Variants in TCF7L1 observed in about 807,000 individuals in gnomAD.
TCF7L1 encodes the protein transcription factor 7-like 1.
Under a neutral mutation model 63.7 loss-of-function variants are expected in TCF7L1, and 18 were observed. The ratio of observed to expected loss-of-function variants is 0.28; its 90% CI spans 0.20 to 0.42. The LOEUF is 0.42. TCF7L1 is among the 10% of genes least tolerant of loss of function. The pLI is 1.00. For synonymous variants in TCF7L1, 355 were observed against 340.9 expected (o/e 1.04, Z -0.46); for missense variants, 654 against 779.3 (o/e 0.84, Z 1.91).
Position 85,309,020 on chromosome 2 carries a change from T to C in TCF7L1, c.1334-9T>C. 6.3e-7 allele frequency: 1 copy of C among 1,576,338 alleles called. No homozygotes were observed. ...TAGCTGCTCACTCTTTCTTGTATTT[T>C]CCCCCTAGGTGCCCTGGCCTCCAAG... On this transcript the variant is annotated splice_polypyrimidine_tract_variant and intron_variant, in intron 11 of 11. Transcript: ENST00000282111.
chr2:85,238,497 C>T (rs763029535), intron 3 of TCF7L1, among the ~76,000 whole-genome samples: 2 of 152,170 alleles, frequency 1.3e-5, no homozygotes, highest in Non-Finnish European at 2.9e-5. Context: ...CCCGCACAGC[C>T]GGGGCCGTGA....
intron 4 of TCF7L1, among the ~76,000 whole-genome samples, chr2:85,295,445 C>T (rs552421182): frequency 6.6e-6 from 1 of 152,308 alleles, no homozygotes; most frequent in South Asian, 2.1e-4. Flanking sequence ...AGGTGATCTG[C>T]CCGCCTCGGC....
chr2:85,165,312 G>T (rs887633378), intron 3 of TCF7L1, among the ~76,000 whole-genome samples: 1 of 152,130 alleles, frequency 6.6e-6, no homozygotes, highest in African/African-American at 2.4e-5. Context: ...ACTACGGCTT[G>T]CCTTCTTTTC....
chr2:85,266,872 A>G (rs1300072021), intron 3 of TCF7L1, among the ~76,000 whole-genome samples: 1 of 152,220 alleles, frequency 6.6e-6, no homozygotes, highest in African/African-American at 2.4e-5. Context: ...GCTGTTCTGT[A>G]GCTGGCGGCC....
At chr2:85,202,983 G>A (rs910461917) in intron 3 of TCF7L1, among the ~76,000 whole-genome samples, 1 of 152,004 alleles carries the variant, frequency 6.6e-6, no homozygotes, top group African/African-American at 2.4e-5. Flanking sequence ...ACAGGCACCC[G>A]CCACCACGCC....
At chr2:85,180,424 T>C (rs1339096911) in intron 3 of TCF7L1, among the ~76,000 whole-genome samples, 1 of 151,988 alleles carries the variant, frequency 6.6e-6, no homozygotes, top group East Asian at 1.9e-4. Flanking sequence ...AGGGTGTGTC[T>C]ACCTGCCTGA....
intron 3 of TCF7L1, among the ~76,000 whole-genome samples, chr2:85,170,758 G>A (rs1447914715): frequency 5.9e-5 from 9 of 152,174 alleles, no homozygotes; most frequent in Admixed American, 3.9e-4. Flanking sequence ...ATTTTTTCCC[G>A]TCTGCCCAGG....
chr2:85,262,641 C>T (rs1680884713), intron 3 of TCF7L1, among the ~76,000 whole-genome samples: 1 of 152,180 alleles, frequency 6.6e-6, no homozygotes, highest in Admixed American at 6.6e-5. Context: ...GAAAAGAGAT[C>T]AAACCAGCAG....
At chr2:85,298,648 G>T (rs577598231) in intron 4 of TCF7L1, among the ~76,000 whole-genome samples, 1 of 152,164 alleles carries the variant, frequency 6.6e-6, no homozygotes, top group African/African-American at 2.4e-5. Flanking sequence ...AAGGATTTAG[G>T]TCTGAGGTGG....
chr2:85,165,294 C>T (rs1049343545), intron 3 of TCF7L1, among the ~76,000 whole-genome samples: 35 of 152,226 alleles, frequency 2.3e-4, no homozygotes, highest in African/African-American at 8.4e-4. Context: ...ACATGTGCGC[C>T]TGTGTAGACT....
chr2:85,146,308 C>A (rs907908085), intron 3 of TCF7L1, among the ~76,000 whole-genome samples: 1 of 152,112 alleles, frequency 6.6e-6, no homozygotes, highest in Non-Finnish European at 1.5e-5. Flanking sequence ...AGCATTCCAG[C>A]TGTGGGGGAT....
intron 3 of TCF7L1, among the ~76,000 whole-genome samples, chr2:85,139,377 A>T (rs1449086008): frequency 6.6e-6 from 1 of 152,240 alleles, no homozygotes; most frequent in Non-Finnish European, 1.5e-5. Context: ...GATACCTATC[A>T]TGGGCAATGG....
intron 3 of TCF7L1, among the ~76,000 whole-genome samples, chr2:85,150,132 T>C (rs1677972157): frequency 6.6e-6 from 1 of 152,108 alleles, no homozygotes; most frequent in African/African-American, 2.4e-5. Flanking sequence ...ATTTATTCAT[T>C]TTTTTTGGCT....
At position 85,259,707 on chromosome 2, in the gene TCF7L1, C is replaced by T. The variant is rs544082652; in HGVS notation, c.442-23788C>T. 8.5e-5 allele frequency among the ~76,000 whole-genome samples: 13 copies of T among 152,256 alleles called. No homozygotes were observed. In the East Asian group the frequency reaches 2.5e-3, roughly 29 times the overall value. On this transcript the variant is annotated intron_variant, in intron 3 of 11. Transcript: ENST00000282111. ...CTTTTGGGAAAAACTTGGATAGAGA[C>T]CCTTTGAGCCATACAATTTTTTAAA...
intron 3 of TCF7L1, among the ~76,000 whole-genome samples, chr2:85,185,536 C>A (rs1010145817): frequency 6.6e-6 from 1 of 152,150 alleles, no homozygotes; most frequent in Non-Finnish European, 1.5e-5. Context: ...CCGATAGTCT[C>A]ACACTGAACC....
intron 3 of TCF7L1, among the ~76,000 whole-genome samples, chr2:85,145,065 A>C (rs1313101684): frequency 7.2e-6 from 1 of 138,714 alleles, no homozygotes; most frequent in Non-Finnish European, 1.6e-5. Context: ...ACTTTGTTTC[A>C]AAAAAAAAAA....
chr2:85,204,854 A>T (rs1679364231), intron 3 of TCF7L1: 1 of 151,748 alleles, frequency 6.6e-6, no homozygotes, highest in East Asian at 1.9e-4. Context: ...ATAAGCAGAG[A>T]AAATACTTGT....
At chr2:85,264,389 G>A (rs894793118) in intron 3 of TCF7L1, among the ~76,000 whole-genome samples, 1 of 152,178 alleles carries the variant, frequency 6.6e-6, no homozygotes, top group East Asian at 1.9e-4. Context: ...CTGGTGCTGT[G>A]CATGCATCAC....
intron 3 of TCF7L1, among the ~76,000 whole-genome samples, chr2:85,185,406 T>G (rs571561533): frequency 1.3e-5 from 2 of 152,116 alleles, no homozygotes; most frequent in East Asian, 3.9e-4. Context: ...TACAAGCAAG[T>G]GCCACCACAC....
Sources: allele counts gnomAD v4.1 joint callset (sites outside exome capture counted in the v4.1 genomes callset), GRCh38; gene constraint gnomAD v4.1.1; transcripts MANE v1.5; gene names NCBI Gene and HGNC (gene_info 2026-07-23, HGNC 2026-07-21).